ARMC9: variants seen among roughly 807,000 people sequenced by gnomAD.
ARMC9 encodes lisH domain-containing protein ARMC9.
ARMC9 carries 94 observed loss-of-function variants against 107.0 expected under a neutral mutation model. That is an observed-to-expected ratio of 0.88 (90% CI 0.74 to 1.04). ARMC9 has a LOEUF of 1.04. Ranked by LOEUF, ARMC9 falls within the 50% of genes least tolerant of loss-of-function variation. The pLI is 0.00. For missense variants in ARMC9, 942 were observed against 1,030.1 expected (o/e 0.91, Z 1.17); for synonymous variants, 380 against 396.9 (o/e 0.96, Z 0.51).
chr2:231,269,605 A>G (rs1364890233), intron 12 of ARMC9, among the ~76,000 whole-genome samples: 1 of 151,454 alleles, frequency 6.6e-6, no homozygotes, highest in African/African-American at 2.4e-5. Flanking sequence ...GGCTGGTCTC[A>G]AACCCCTGAC....
At chr2:231,338,161 G>C (rs572293672) in intron 20 of ARMC9, among the ~76,000 whole-genome samples, 3 of 152,046 alleles carry the variant, frequency 2.0e-5, no homozygotes, top group Non-Finnish European at 4.4e-5. Context: ...TGCAAAATTA[G>C]GTATCAAAGC....
chr2:231,214,852 G>C lies in ARMC9; in HGVS notation c.199G>C (p.Asp67His), dbSNP rs1441086360. Residue 67 changes from aspartate to histidine, a missense_variant, in exon 4 of 25, where the codon GAC becomes CAC. Coordinates refer to ENST00000611582, the MANE Select transcript of ARMC9 (RefSeq NM_001352754.2). ...ACAGAAGGATCTTGTCGCTGCATTTGACAACGGAGACCAGAAGGTGTTCTT... is the reference window on the plus strand; with the variant it reads ...ACAGAAGGATCTTGTCGCTGCATTTCACAACGGAGACCAGAAGGTGTTCTT... ...TIQKDLVAAF[D>H]NGDQKVFFDL... 1 of 1,614,036 alleles carries C rather than the reference G, an allele frequency of 6.2e-7. No homozygotes were observed. The highest frequency in any genetic ancestry group is 1.3e-5 in the African/African-American group (1 of 74,942).
chr2:231,282,035 C>A, intron 16 of ARMC9, 24 bp from the exon 17 acceptor site: 1 of 1,609,838 alleles, frequency 6.2e-7, no homozygotes, highest in Non-Finnish European at 8.5e-7. Flanking sequence ...TTGCAAATAA[C>A]TGGTTTTTTT....
chr2:231,212,694 G>A (rs918739568), intron 3 of ARMC9, among the ~76,000 whole-genome samples: 1 of 152,210 alleles, frequency 6.6e-6, no homozygotes, highest in African/African-American at 2.4e-5. Flanking sequence ...CTTTGTGGCA[G>A]TCATTAACAA....
intron 4 of ARMC9, among the ~76,000 whole-genome samples, chr2:231,216,112 G>C (rs569358616): frequency 6.6e-6 from 1 of 152,308 alleles, no homozygotes; most frequent in South Asian, 2.1e-4. Flanking sequence ...TCCACATGGA[G>C]TAGTGACACA....
chr2:231,351,833 A>G (rs1360714107), intron 21 of ARMC9, among the ~76,000 whole-genome samples: 2 of 152,016 alleles, frequency 1.3e-5, no homozygotes, highest in African/African-American at 4.8e-5. Context: ...AACTAAAACA[A>G]AAAAAAATTA....
intron 19 of ARMC9, among the ~76,000 whole-genome samples, chr2:231,305,217 A>G (rs927608327): frequency 2.0e-5 from 3 of 152,202 alleles, no homozygotes; most frequent in African/African-American, 7.2e-5. Context: ...GTATTTATCT[A>G]TGGTGAAATA....
At position 231,235,252 on chromosome 2, in the gene ARMC9, G is replaced by T. The variant is rs1236256272; in HGVS notation, c.651G>T (p.Leu217=). 1 of 1,613,582 alleles carries T rather than the reference G, an allele frequency of 6.2e-7. No individual in the cohort carries two copies. The change falls in exon 8 of 25, where the codon CTG becomes CTT. Residue 217 remains leucine (L), a synonymous_variant. Transcript: ENST00000611582. ...TCTTGCAGCAGCTCCACCAGCAGCT[G>T]GTTGAAGCTGAACGTAGGTCAGTGA... ...KEILQQLHQQ[L]VEAERRSVTY... is the part of the protein sequence containing the mutation.
At position 231,216,541 on chromosome 2, in the gene ARMC9, C is replaced by T. The variant is rs1310389498; in HGVS notation, c.349-97C>T. ...GGTTAGATAGGGGATGCCAGCGACA[C>T]GACTGGGACAGAAGGAGCCTCAGAG... is the stretch of plus-strand genomic sequence containing the variant. On this transcript the variant is annotated intron_variant, in intron 4 of 24. Coordinates refer to ENST00000611582, the MANE Select transcript of ARMC9 (RefSeq NM_001352754.2). The T allele has an allele frequency of 1.7e-5, 24 of 1,380,134 alleles. No homozygotes were observed. The East Asian group carries it at 1.8e-4, about 11-fold the overall frequency. The allele number at this position is 1,380,134 out of a possible 1,614,324, so 85.5% of individuals were successfully genotyped here.
At chr2:231,271,714 A>G (rs567465438) in intron 13 of ARMC9, among the ~76,000 whole-genome samples, 3 of 152,326 alleles carry the variant, frequency 2.0e-5, no homozygotes, top group African/African-American at 7.2e-5. Flanking sequence ...CATTTATGAT[A>G]AGCCAGGATG....
chr2:231,284,928 G>C (rs1315341892), intron 17 of ARMC9, among the ~76,000 whole-genome samples: 1 of 152,168 alleles, frequency 6.6e-6, no homozygotes, highest in South Asian at 2.1e-4. Context: ...AGCCAGAAGC[G>C]GTGGCTCACG....
intron 6 of ARMC9, among the ~76,000 whole-genome samples, chr2:231,224,361 C>T (rs1046362436): frequency 5.3e-5 from 8 of 152,094 alleles, no homozygotes; most frequent in Admixed American, 5.2e-4. Context: ...GACAGGTGGG[C>T]GAATCACCTG....
rs1414310097 is a variant in ARMC9 at position 231,297,848 on chromosome 2, T to C, written c.1773+1595T>C. On this transcript the variant is annotated intron_variant, in intron 19 of 24. Coordinates refer to ENST00000611582, the MANE Select transcript of ARMC9 (RefSeq NM_001352754.2). The surrounding 1 kb of genome is among the most constrained non-coding windows in gnomAD (Gnocchi z 4.2). ...TTTGTTTTTAACAACTTTTTTTCATTGTGTCCTAAAGTTTGTCTCGAGATC... is the reference window on the plus strand; with the variant it reads ...TTTGTTTTTAACAACTTTTTTTCATCGTGTCCTAAAGTTTGTCTCGAGATC... Among the ~76,000 whole-genome samples, 2 of 152,224 alleles carry C rather than the reference T, an allele frequency of 1.3e-5. No individual in the cohort carries two copies. The highest frequency in any genetic ancestry group is 4.8e-5 in the African/African-American group (2 of 41,468).
At position 231,214,818 on chromosome 2, in the gene ARMC9, G is replaced by A; in HGVS notation, c.178-13G>A. On this transcript the variant is annotated splice_polypyrimidine_tract_variant and intron_variant, in intron 3 of 24. Transcript: ENST00000611582. ...TTTACAACGAGGTATGTAGTCTGAT[G>A]TCTTCTCCACAGAAGGATCTTGTCG... is the stretch of plus-strand genomic sequence containing the variant. The A allele has an allele frequency of 1.2e-6, 2 of 1,612,786 alleles. No individual in the cohort carries two copies. Among genetic ancestry groups the A allele is most frequent in the Non-Finnish European group, 1.7e-6 (2 of 1,179,056 alleles).
rs574143637 is a variant in ARMC9, at chr2:231,210,532, C to T, written c.177+2280C>T. ...ATTTGAGAGGAATATAGCAAATCCT[C>T]AATACCTAACTAGCAGAACAGTGAG... On this transcript the variant is annotated intron_variant, in intron 3 of 24. Transcript: ENST00000611582. Among the ~76,000 whole-genome samples, 10 of 152,298 alleles carry T rather than the reference C, an allele frequency of 6.6e-5. No individual in the cohort carries two copies. In the South Asian group the frequency reaches 2.1e-3, roughly 32 times the overall value.
chr2:231,376,164 T>C lies in ARMC9; in HGVS notation c.*4629T>C, dbSNP rs1444524102. ...AGGACCCTGTAATAATTGCATTAAC[T>C]GCACAAATTGTACAGCATGTGTGTT... On this transcript the variant is annotated 3_prime_UTR_variant, in exon 25 of 25. Transcript: ENST00000611582. 6.6e-6 allele frequency among the ~76,000 whole-genome samples: 1 copy of C among 152,156 alleles called. No homozygotes were observed. The highest frequency in any genetic ancestry group is 1.5e-5 in the Non-Finnish European group (1 of 68,036).
intron 3 of ARMC9, among the ~76,000 whole-genome samples, chr2:231,212,289 C>T (rs981074574): frequency 6.6e-6 from 1 of 152,062 alleles, no homozygotes; most frequent in Non-Finnish European, 1.5e-5. Flanking sequence ...ATAGCAGATT[C>T]TTTTATGTGT....
intron 19 of ARMC9, among the ~76,000 whole-genome samples, chr2:231,326,079 C>T (rs2043299231): frequency 6.6e-6 from 1 of 152,200 alleles, no homozygotes; most frequent in Non-Finnish European, 1.5e-5. Flanking sequence ...CTGTTGAGCT[C>T]AGTCTTAGCC....
At chr2:231,287,173 C>T (rs1188576218) in intron 17 of ARMC9, among the ~76,000 whole-genome samples, 1 of 152,224 alleles carries the variant, frequency 6.6e-6, no homozygotes, top group Non-Finnish European at 1.5e-5. Flanking sequence ...GGCTGCTCTG[C>T]TCCAGTGACC....
Sources: allele counts gnomAD v4.1 joint callset (sites outside exome capture counted in the v4.1 genomes callset), GRCh38; gene constraint gnomAD v4.1.1; non-coding constraint Gnocchi (gnomAD v3.1); transcripts MANE v1.5; gene names NCBI Gene and HGNC (gene_info 2026-07-23, HGNC 2026-07-21).